Variants in HMCN2 observed in about 807,000 individuals in gnomAD.
HMCN2 encodes hemicentin 2.
In HMCN2, 325 loss-of-function variants were observed where a neutral mutation model predicts 377.5. The ratio of observed to expected loss-of-function variants is 0.86; its 90% CI spans 0.79 to 0.94. HMCN2 has a LOEUF of 0.94. HMCN2 is among the 40% of genes least tolerant of loss of function. The probability of loss-of-function intolerance (pLI) is 0.00; values close to 1 mark genes in which losing one functional copy is unlikely to be tolerated. For synonymous variants in HMCN2, 2,007 were observed against 2,046.8 expected (o/e 0.98, Z 0.53); for missense variants, 4,543 against 4,725.3 (o/e 0.96, Z 1.13).
chr9:130,304,761 C>A lies in HMCN2; in HGVS notation c.1575C>A (p.Asn525Lys), dbSNP rs559608162. Residue 525 changes from asparagine to lysine, a missense_variant, in exon 11 of 98, where the codon AAC becomes AAA. By Grantham distance (94) the Asn-to-Lys change is moderately conservative. Coordinates refer to ENST00000683500, the MANE Select transcript of HMCN2 (RefSeq NM_001291815.2). This position sits in a 1 kb window ranked among gnomAD's most constrained non-coding sequence, Gnocchi z 4.3. Reference protein sequence around the residue: ...DPPPQLVPAPNVTVSPGETAV... With the variant: ...DPPPQLVPAPKVTVSPGETAV... The stretch of plus-strand genomic sequence containing the variant: ...CGCCGCAGCTGGTCCCTGCTCCCAA[C>A]GTGACCGTGTCCCCAGGGGAGACTG... 2 of 470,204 alleles carry A rather than the reference C, an allele frequency of 4.3e-6. No homozygotes were observed. Among genetic ancestry groups the A allele is most frequent in the South Asian group, 1.5e-5 (1 of 64,518 alleles). 29.1% of individuals were successfully genotyped at this position (470,204 alleles called of 1,614,324 possible).
At chr9:130,376,033 G>T (rs866653713) in intron 51 of HMCN2, 44 bp downstream of exon 51, 1 of 892,756 alleles carries the variant, frequency 1.1e-6, no homozygotes, top group South Asian at 5.2e-5. Context: ...GCAGAAGACC[G>T]CCCGGGAACC....
intron 48 of HMCN2, among the ~76,000 whole-genome samples, chr9:130,373,831 G>A (rs1841218260): frequency 6.7e-6 from 1 of 149,464 alleles, no homozygotes; most frequent in African/African-American, 2.5e-5. Flanking sequence ...ATGAATGGGT[G>A]GATGAATGAA....
chr9:130,276,355 G>T (rs1389987653), intron 1 of HMCN2, among the ~76,000 whole-genome samples: 1 of 151,888 alleles, frequency 6.6e-6, no homozygotes, highest in African/African-American at 2.4e-5. Flanking sequence ...CATTCCTGAG[G>T]GAGTGACGTT....
intron 48 of HMCN2, among the ~76,000 whole-genome samples, chr9:130,373,595 G>A (rs1841168927): frequency 3.7e-5 from 5 of 136,242 alleles, no homozygotes; most frequent in South Asian, 2.7e-4. Flanking sequence ...ATGGATGGGT[G>A]GGTGGGTGGG....
Position 130,349,661 on chromosome 9 carries a change from G to A in HMCN2, c.4428G>A (p.Arg1476=). 7.7e-7 allele frequency: 1 copy of A among 1,302,586 alleles called. No homozygotes were observed. The allele number at this position is 1,302,586 out of a possible 1,614,324, so 80.7% of individuals were successfully genotyped here. A position where few individuals can be genotyped will look rare whatever the true frequency, so the allele number is the denominator to read the frequency against. ...CCCAGGTGGAGTGGACCAAGGACAG[G>A]CAGTGAGTGCCCCCCTCCCCGAGGA... ...PTPQVEWTKD[R]QPVLPGGPHL... Residue 1476 remains arginine, a splice_region_variant and synonymous_variant, in exon 29 of 98, where the codon AGG becomes AGA. Coordinates refer to ENST00000683500, the MANE Select transcript of HMCN2 (RefSeq NM_001291815.2).
chr9:130,284,670 G>T lies in HMCN2; in HGVS notation c.327G>T (p.Val109=). 1 of 471,170 alleles carries T rather than the reference G, an allele frequency of 2.1e-6. No individual in the cohort carries two copies. Among genetic ancestry groups the T allele is most frequent in the South Asian group, 1.5e-5 (1 of 64,572 alleles). 29.2% of individuals were successfully genotyped at this position (471,170 alleles called of 1,614,324 possible). Residue 109 remains valine (V), a synonymous_variant, in exon 2 of 98, where the codon GTG becomes GTT. Coordinates refer to ENST00000683500, the MANE Select transcript of HMCN2 (RefSeq NM_001291815.2). The part of the protein sequence containing the change: ...VFQRELRELY[V]QGGGDCPEMS... ...AGAGGGAGCTGAGAGAACTCTACGT[G>T]CAGGTGGGCAGCCCCTGACCCTCTG...
At position 130,400,865 on chromosome 9, in the gene HMCN2, TA is replaced by T; in HGVS notation, c.11689del (p.Ile3897TyrfsTer15). ...TGGTCCTCACATGTCACAGCACGGG[TA>T]TACCAGCTCCGACCGTGTCCTGGAG... ...PVVLTCHSTGIPAPTVSWSKA... is the reference protein window; with the variant it reads ...PVVLTCHSTGXPAPTVSWSKA... On this transcript the variant is annotated frameshift_variant, in exon 77 of 98. Coordinates refer to ENST00000683500, the MANE Select transcript of HMCN2 (RefSeq NM_001291815.2). LOFTEE classifies it high-confidence loss of function. 2 of 1,289,488 alleles carry T rather than the reference TA, an allele frequency of 1.6e-6. No homozygotes were observed. Among genetic ancestry groups the T allele is most frequent in the Non-Finnish European group, 2.0e-6 (2 of 988,716 alleles). The allele number at this position is 1,289,488 out of a possible 1,614,324, so 79.9% of individuals were successfully genotyped here.
chr9:130,431,279 G>A (rs1588454685), intron 95 of HMCN2, 88 bp from the exon 96 acceptor site: 18 of 1,330,452 alleles, frequency 1.4e-5, no homozygotes, highest in Non-Finnish European at 1.9e-5. Context: ...GAGCCCAGCG[G>A]GCAGGTGTGT....
chr9:130,293,279 G>GTTATTTTTTTTTTTTTTTTTTT (rs1835901930), intron 4 of HMCN2, among the ~76,000 whole-genome samples: 1 of 57,126 alleles, frequency 1.8e-5, no homozygotes, highest in African/African-American at 1.1e-4. Context: ...ACTCACTAAA[G>GTTATTTTTTTTTTTTTTTTTTT]TTTTTTTTTT....
intron 25 of HMCN2, among the ~76,000 whole-genome samples, chr9:130,343,694 G>T (rs1018377772): frequency 6.6e-6 from 1 of 152,246 alleles, no homozygotes; most frequent in African/African-American, 2.4e-5. Context: ...GTCAGTCAGG[G>T]ACCAGTCCTG....
At position 130,306,256 on chromosome 9, in the gene HMCN2, A is replaced by G. The variant is rs1554936704; in HGVS notation, c.1944A>G (p.Leu648=). The G allele has an allele frequency of 2.1e-6, 1 of 471,094 alleles. No homozygotes were observed. Among genetic ancestry groups the G allele is most frequent in the Admixed American group, 2.3e-5 (1 of 42,576 alleles). 29.2% of individuals were successfully genotyped at this position (471,094 alleles called of 1,614,324 possible). Residue 648 remains leucine, a synonymous_variant, in exon 12 of 98, where the codon CTA becomes CTG. Coordinates refer to ENST00000683500, the MANE Select transcript of HMCN2 (RefSeq NM_001291815.2). ...CCTGGAGCCGTGAGAGCCAAGCCCTACAAGAGGACAGCAGGTGAGGGGCCC... is the reference window on the plus strand; with the variant it reads ...CCTGGAGCCGTGAGAGCCAAGCCCTGCAAGAGGACAGCAGGTGAGGGGCCC... ...HISWSRESQA[L]QEDSRIHVDA...
chr9:130,278,137 T>G lies in HMCN2; in HGVS notation c.260-6466T>G, dbSNP rs566768155. 7.9e-5 allele frequency among the ~76,000 whole-genome samples: 12 copies of G among 152,296 alleles called. No individual in the cohort carries two copies. The East Asian group carries it at 1.7e-3, about 22-fold the overall frequency. ...GTTTGTTTGGTTGGTTGGTTGGTTTTTTTTTGAGACGCAGTCTCGCTCTGT... is the reference window on the plus strand; with the variant it reads ...GTTTGTTTGGTTGGTTGGTTGGTTTGTTTTTGAGACGCAGTCTCGCTCTGT... On this transcript the variant is annotated intron_variant, in intron 1 of 97. Transcript: ENST00000683500.
intron 1 of HMCN2, among the ~76,000 whole-genome samples, chr9:130,274,500 G>T (rs1834572304): frequency 2.6e-5 from 4 of 152,186 alleles, no homozygotes; most frequent in African/African-American, 9.7e-5. Flanking sequence ...TGTGCAATCA[G>T]TAAGTGGTGT....
chr9:130,297,280 C>A (rs1836221211), intron 7 of HMCN2, among the ~76,000 whole-genome samples: 1 of 152,098 alleles, frequency 6.6e-6, no homozygotes, highest in African/African-American at 2.4e-5. Flanking sequence ...TTTGGGTGTC[C>A]CAAGACTGAG....
At chr9:130,331,203 C>T (rs1406422048) in intron 22 of HMCN2, among the ~76,000 whole-genome samples, 4 of 151,864 alleles carry the variant, frequency 2.6e-5, no homozygotes, top group Non-Finnish European at 5.9e-5. Flanking sequence ...CGCTCGGCTC[C>T]CATCATCGCT....
intron 65 of HMCN2, 138 bp from the exon 66 acceptor site, chr9:130,391,797 G>C: frequency 1.7e-5 from 9 of 527,998 alleles, no homozygotes; most frequent in Non-Finnish European, 2.2e-5. Context: ...CCCATGCAGC[G>C]GGCCTCATCC....
intron 52 of HMCN2, among the ~76,000 whole-genome samples, chr9:130,377,356 A>G: frequency 6.6e-6 from 1 of 151,924 alleles, no homozygotes; most frequent in East Asian, 1.9e-4. Flanking sequence ...CTTGTGATCC[A>G]CCAACCTTGG....
intron 93 of HMCN2, 172 bp from the exon 94 acceptor site, chr9:130,429,385 C>T (rs1844594611): frequency 2.6e-6 from 2 of 766,940 alleles, no homozygotes; most frequent in Non-Finnish European, 4.2e-6. Flanking sequence ...TGTTGACCTC[C>T]AACCTGGTAT....
Position 130,398,663 on chromosome 9 carries a change from G to A in HMCN2, c.11439G>A (p.Lys3813=). Reference sequence around the variant, plus strand: ...CTAAGCCCCTGGTGGTCTGGTGGAAGGACGGACAGAAGCTGGACTTCCGCC... The same window carrying A: ...CTAAGCCCCTGGTGGTCTGGTGGAAAGACGGACAGAAGCTGGACTTCCGCC... ...GSPKPLVVWW[K]DGQKLDFRLQ... is the part of the protein sequence containing the mutation. Residue 3813 remains lysine, a synonymous_variant, in exon 75 of 98, where the codon AAG becomes AAA. Coordinates refer to ENST00000683500, the MANE Select transcript of HMCN2 (RefSeq NM_001291815.2). The A allele has an allele frequency of 7.8e-7, 1 of 1,289,692 alleles. No homozygotes were observed. 79.9% of individuals were successfully genotyped at this position (1,289,692 alleles called of 1,614,324 possible). A position where few individuals can be genotyped will look rare whatever the true frequency, so the allele number is the denominator to read the frequency against.
Sources: gnomAD v4.1 joint callset for allele counts (sites outside exome capture counted in the v4.1 genomes callset) on GRCh38, gnomAD v4.1.1 for gene constraint, Gnocchi (gnomAD v3.1) non-coding constraint, MANE v1.5 for transcripts, NCBI Gene and HGNC (gene_info 2026-07-23, HGNC 2026-07-21) for gene names.